Variants in RNF19A observed in about 807,000 individuals in gnomAD.
RNF19A encodes E3 ubiquitin-protein ligase RNF19A.
In RNF19A, 32 loss-of-function variants were observed where a neutral mutation model predicts 75.7. The ratio of observed to expected loss-of-function variants is 0.42; its 90% CI spans 0.32 to 0.57. The LOEUF (loss-of-function observed/expected upper bound fraction) is 0.57, where lower values mean the gene tolerates loss of function less well. Among genes scored for constraint, RNF19A ranks in the 20% least tolerant of loss-of-function variants. The pLI is 0.10. For synonymous variants in RNF19A, 335 were observed against 345.2 expected, an observed-to-expected ratio of 0.97 and a Z score of 0.33; for missense variants, 782 against 1,036.3, an observed-to-expected ratio of 0.75 and a Z score of 3.37.
chr8:100,308,282 A>T (rs975166242), intron 1 of RNF19A, among the ~76,000 whole-genome samples: 19 of 152,192 alleles, frequency 1.2e-4, no homozygotes, highest in Admixed American at 2.6e-4. Context: ...ACAGTAATTT[A>T]AAAAAAGAGA....
chr8:100,327,051 T>A (rs1300846475), intron 1 of RNF19A, among the ~76,000 whole-genome samples: 3 of 152,104 alleles, frequency 2.0e-5, no homozygotes, highest in African/African-American at 7.2e-5. Flanking sequence ...TGATTCTATG[T>A]GGATTGTCTT....
intron 1 of RNF19A, chr8:100,303,516 T>A (rs1821932785): frequency 6.6e-6 from 1 of 152,202 alleles, no homozygotes; most frequent in Non-Finnish European, 1.5e-5. Flanking sequence ...ACATATCTTT[T>A]GTGGGGTTAC....
In RNF19A at chr8:100,325,779, ACAC is replaced by A. The variant is rs1425743704; in HGVS notation, c.-243+10326_-243+10328del. 6.6e-6 allele frequency among the ~76,000 whole-genome samples: 1 copy of A among 152,110 alleles called. No individual in the cohort carries two copies. Among genetic ancestry groups the A allele is most frequent in the Non-Finnish European group, 1.5e-5 (1 of 68,004 alleles). On this transcript the variant is annotated intron_variant, in intron 1 of 3. Transcript: ENST00000519527. The surrounding 1 kb of genome is among the most constrained non-coding windows in gnomAD (Gnocchi z 4.3). Reference sequence around the variant, plus strand: ...GTGAGTATGTATTACACACACACACACACATTTATATCCATAAAATCTAAGCTC... The same window carrying A: ...GTGAGTATGTATTACACACACACACAATTTATATCCATAAAATCTAAGCTC...
chr8:100,276,370 T>G (rs771082333), intron 2 of RNF19A, among the ~76,000 whole-genome samples: 34 of 152,136 alleles, frequency 2.2e-4, no homozygotes, highest in Non-Finnish European at 4.1e-4. Context: ...TATATATTTT[T>G]GAAATGTCAA....
At chr8:100,292,532 C>T (rs1282483223) in intron 1 of RNF19A, among the ~76,000 whole-genome samples, 1 of 151,472 alleles carries the variant, frequency 6.6e-6, no homozygotes, top group Non-Finnish European at 1.5e-5. Context: ...AAGTTTTTAA[C>T]GTGCTCAAAT....
intron 1 of RNF19A, among the ~76,000 whole-genome samples, chr8:100,334,842 T>C (rs1822656282): frequency 6.6e-6 from 1 of 152,210 alleles, no homozygotes; most frequent in Non-Finnish European, 1.5e-5. Flanking sequence ...GCCTTTGTTG[T>C]ATTTCAAAGG....
In RNF19A at chr8:100,309,760, C is replaced by T. The variant is rs115684133; in HGVS notation, c.-94+107G>A. 1,374 of 985,430 alleles carry T rather than the reference C, an allele frequency of 1.4e-3. 10 individuals are homozygous for T. In the African/African-American group the frequency reaches 0.022, roughly 16 times the overall value. 61.0% of individuals were successfully genotyped at this position (985,430 alleles called of 1,614,324 possible). ...CTTCCGAATCCATTTCTGTCCCGGG[C>T]AGGGGCGCTAGGGCTGCGGCCCGGC... On this transcript the variant is annotated intron_variant, in intron 1 of 9. Transcript: ENST00000341084.
rs555448684 is a variant in RNF19A at position 100,331,530 on chromosome 8, G to A, written c.-243+4578C>T. ...CATGCACCAGCAGTCCCAGCTACTC[G>A]GGAGGCTGAGGCAGGAGGATTGCTT... On this transcript the variant is annotated intron_variant, in intron 1 of 3. Transcript: ENST00000519527. The surrounding 1 kb of genome is among the most constrained non-coding windows in gnomAD (Gnocchi z 5.2). Among the ~76,000 whole-genome samples the A allele has an allele frequency of 2.0e-5, 3 of 152,222 alleles. No individual in the cohort carries two copies. The highest frequency in any genetic ancestry group is 2.1e-4 in the South Asian group (1 of 4,822).
rs577212403 is a variant in RNF19A, at chr8:100,261,255, C to A, written c.1682+287G>T. 2.6e-5 allele frequency among the ~76,000 whole-genome samples: 4 copies of A among 151,852 alleles called. No individual in the cohort carries two copies. The highest frequency in any genetic ancestry group is 5.9e-5 in the Non-Finnish European group (4 of 67,958). On this transcript the variant is annotated intron_variant, in intron 8 of 9. Coordinates refer to ENST00000341084, the MANE Select transcript of RNF19A (RefSeq NM_183419.4). The surrounding 1 kb of genome is among the most constrained non-coding windows in gnomAD (Gnocchi z 4.4). ...GACTACAGGTGCATGCCACCAAATC[C>A]GGCTAATTTTTTATATTTTTTTAGT...
At chr8:100,310,468 G>A (rs1451995403), upstream of RNF19A, 1 of 156,202 alleles carries the variant, frequency 6.4e-6, no homozygotes, top group Non-Finnish European at 1.4e-5. Flanking sequence ...CCGGTTGAAG[G>A]GAGTTGCCAG....
chr8:100,288,805 A>G (rs1363347731), intron 1 of RNF19A, among the ~76,000 whole-genome samples: 7 of 152,206 alleles, frequency 4.6e-5, no homozygotes, highest in Non-Finnish European at 8.8e-5. Context: ...TCACGCCTGT[A>G]ATCCCAGCAC....
In RNF19A at chr8:100,333,940, T is replaced by C. The variant is rs184875514; in HGVS notation, c.-243+2168A>G. Among the ~76,000 whole-genome samples the C allele has an allele frequency of 6.6e-6, 1 of 152,240 alleles. No individual in the cohort carries two copies. The highest frequency in any genetic ancestry group is 2.4e-5 in the African/African-American group (1 of 41,458). On this transcript the variant is annotated intron_variant, in intron 1 of 3. Coordinates refer to the RNF19A transcript ENST00000519527. This position sits in a 1 kb window ranked among gnomAD's most constrained non-coding sequence, Gnocchi z 4.7. ...AGTCTAGTACCCCGATATTCTAACT[T>C]TGGCCCCACTCTACTGAAATTATCC... is the stretch of plus-strand genomic sequence containing the variant.
At chr8:100,276,515 G>T (rs1820521127) in intron 2 of RNF19A, among the ~76,000 whole-genome samples, 1 of 152,024 alleles carries the variant, frequency 6.6e-6, no homozygotes, top group East Asian at 1.9e-4. Context: ...ACTTTGTGGG[G>T]CCGAGGTGGG....
chr8:100,289,013 T>C (rs1352610642), intron 1 of RNF19A, among the ~76,000 whole-genome samples: 1 of 149,882 alleles, frequency 6.7e-6, no homozygotes, highest in Non-Finnish European at 1.5e-5. Context: ...TGAGCCGAGA[T>C]TGCGCCGCTG....
chr8:100,300,284 TAATA>T (rs1403015366), intron 1 of RNF19A, among the ~76,000 whole-genome samples: 1 of 152,116 alleles, frequency 6.6e-6, no homozygotes, highest in African/African-American at 2.4e-5. Flanking sequence ...AAAATCTAGG[TAATA>T]ATTACACAGC....
chr8:100,259,295 G>C lies in RNF19A; in HGVS notation c.1827-49C>G. On this transcript the variant is annotated intron_variant, in intron 9 of 9. Coordinates refer to ENST00000341084, the MANE Select transcript of RNF19A (RefSeq NM_183419.4). This position sits in a 1 kb window ranked among gnomAD's most constrained non-coding sequence, Gnocchi z 4.5. The stretch of plus-strand genomic sequence containing the variant: ...CAAACATAATTGCTGACTTCTTTTT[G>C]TTCAGATGACTGGGGGAAGGGTTTC... The C allele has an allele frequency of 6.8e-7, 1 of 1,463,134 alleles. No individual in the cohort carries two copies. The allele number at this position is 1,463,134 out of a possible 1,614,324, so 90.6% of individuals were successfully genotyped here.
At chr8:100,319,529 T>C (rs955207697) in intron 1 of RNF19A, among the ~76,000 whole-genome samples, 1 of 46,944 alleles carries the variant, frequency 2.1e-5, no homozygotes, top group Non-Finnish European at 4.4e-5. Flanking sequence ...TCTGGTTCAC[T>C]TTTTTTTTTT....
In RNF19A at chr8:100,287,548, C is replaced by A. The variant is rs758585410; in HGVS notation, c.627G>T (p.Trp209Cys). The change falls in exon 2 of 10, where the codon TGG (tryptophan) becomes TGT (cysteine). Residue 209 changes from tryptophan (W) to cysteine (C), a missense_variant. Coordinates refer to ENST00000341084, the MANE Select transcript of RNF19A (RefSeq NM_183419.4). The surrounding 1 kb of genome is among the most constrained non-coding windows in gnomAD (Gnocchi z 4.1). ...ACCTACAATCAGGATCTGCAACAAG[C>A]CACCGTCTAAGCATAAATTCTTCGT... Reference protein sequence around the residue: ...EKYEEFMLRRWLVADPDCRWC... With the variant: ...EKYEEFMLRRCLVADPDCRWC... The A allele has an allele frequency of 1.2e-6, 2 of 1,613,998 alleles. No individual in the cohort carries two copies. The highest frequency in any genetic ancestry group is 2.2e-5 in the South Asian group (2 of 91,066).
At chr8:100,309,368 A>T in intron 1 of RNF19A, 1 of 985,820 alleles carries the variant, frequency 1.0e-6, no homozygotes, top group Non-Finnish European at 1.2e-6. Context: ...TCCCGGCTCC[A>T]AATTTGCAGC....
Sources: allele counts gnomAD v4.1 joint callset (sites outside exome capture counted in the v4.1 genomes callset), GRCh38; gene constraint gnomAD v4.1.1; non-coding constraint Gnocchi (gnomAD v3.1); transcripts MANE v1.5; gene names NCBI Gene and HGNC (gene_info 2026-07-23, HGNC 2026-07-21).